The following SLC24A3 variants were observed in gnomAD, a reference collection of about 807,000 sequenced individuals.
The protein encoded by SLC24A3 is sodium/potassium/calcium exchanger 3.
SLC24A3 carries 28 observed loss-of-function variants against 75.8 expected under a neutral mutation model. The observed-to-expected ratio is 0.37, with a 90% confidence interval of 0.27 to 0.51. The LOEUF (loss-of-function observed/expected upper bound fraction) is 0.51. SLC24A3 is among the 20% of genes least tolerant of loss of function. SLC24A3 has a pLI of 0.94. For missense variants in SLC24A3, 663 were observed against 847.8 expected (o/e 0.78, Z 2.71); for synonymous variants, 372 against 334.1 (o/e 1.11, Z -1.24).
chr20:19,515,466 G>A (rs1429104189), intron 2 of SLC24A3, 22 bp from the exon 3 acceptor site: 6 of 1,613,746 alleles, frequency 3.7e-6, no homozygotes, highest in Non-Finnish European at 5.1e-6. Context: ...TGCTGAGACG[G>A]TTTTCTTTCT....
intron 3 of SLC24A3, among the ~76,000 whole-genome samples, chr20:19,550,088 G>T (rs2030665978): frequency 6.6e-6 from 1 of 152,186 alleles, no homozygotes; most frequent in Non-Finnish European, 1.5e-5. Flanking sequence ...TCAGGGAAAA[G>T]TGTGTTTGGG....
chr20:19,303,710 G>C (rs529642709), intron 2 of SLC24A3, among the ~76,000 whole-genome samples: 1 of 152,170 alleles, frequency 6.6e-6, no homozygotes, highest in Non-Finnish European at 1.5e-5. Context: ...ATCATTTTTA[G>C]AGGAGACCGT....
chr20:19,310,775 TTG>T (rs1984438709), intron 2 of SLC24A3, among the ~76,000 whole-genome samples: 1 of 152,190 alleles, frequency 6.6e-6, no homozygotes, highest in South Asian at 2.1e-4. Flanking sequence ...TTTCCAGATG[TTG>T]TGTATGGACA....
intron 15 of SLC24A3, among the ~76,000 whole-genome samples, chr20:19,714,217 A>G (rs2033019187): frequency 6.6e-6 from 1 of 152,130 alleles, no homozygotes; most frequent in Non-Finnish European, 1.5e-5. Context: ...AGCCTGAGCA[A>G]CATAGCAAGA....
At chr20:19,692,390 C>T (rs920022865) in intron 12 of SLC24A3, among the ~76,000 whole-genome samples, 1 of 152,138 alleles carries the variant, frequency 6.6e-6, no homozygotes, top group Non-Finnish European at 1.5e-5. Flanking sequence ...GCTCACCCAC[C>T]GCCATATGGA....
At chr20:19,346,416 A>G (rs1198798289) in intron 2 of SLC24A3, among the ~76,000 whole-genome samples, 1 of 147,398 alleles carries the variant, frequency 6.8e-6, no homozygotes, top group African/African-American at 2.5e-5. Context: ...TGGTATATAT[A>G]TGGTGTGTGT....
In SLC24A3 at chr20:19,644,938, G is replaced by C. The variant is rs528515134; in HGVS notation, c.613-9124G>C. Among the ~76,000 whole-genome samples the C allele has an allele frequency of 3.9e-5, 6 of 152,316 alleles. No homozygotes were observed. In the South Asian group the frequency reaches 1.2e-3, roughly 32 times the overall value. Reference sequence around the variant, plus strand: ...CACTAAGCACTTTTATCTAGCATTTGGTCTTATTATACATGAAGCAACAAC... The same window carrying C: ...CACTAAGCACTTTTATCTAGCATTTCGTCTTATTATACATGAAGCAACAAC... On this transcript the variant is annotated intron_variant, in intron 6 of 16. Coordinates refer to ENST00000328041, the MANE Select transcript of SLC24A3 (RefSeq NM_020689.4).
chr20:19,407,377 T>C (rs1986666487), intron 2 of SLC24A3, among the ~76,000 whole-genome samples: 1 of 152,228 alleles, frequency 6.6e-6, no homozygotes, highest in African/African-American at 2.4e-5. Flanking sequence ...GTCTTCCTCC[T>C]GTGAGTTGAG....
intron 2 of SLC24A3, among the ~76,000 whole-genome samples, chr20:19,292,072 C>T (rs962465775): frequency 3.9e-5 from 6 of 152,306 alleles, no homozygotes; most frequent in South Asian, 4.1e-4. Context: ...CATCACAGGC[C>T]TGGGGAGGAC....
At chr20:19,457,177 C>G (rs1987592222) in intron 2 of SLC24A3, among the ~76,000 whole-genome samples, 1 of 152,166 alleles carries the variant, frequency 6.6e-6, no homozygotes, top group Non-Finnish European at 1.5e-5. Flanking sequence ...AATCCCAGAT[C>G]CATCAACTGT....
At chr20:19,616,399 A>C (rs912160070) in intron 6 of SLC24A3, among the ~76,000 whole-genome samples, 2 of 152,256 alleles carry the variant, frequency 1.3e-5, no homozygotes, top group Non-Finnish European at 2.9e-5. Flanking sequence ...CGTGTGCTTT[A>C]CAGCCCTCTA....
intron 2 of SLC24A3, among the ~76,000 whole-genome samples, chr20:19,405,361 C>T (rs1354964243): frequency 6.6e-6 from 1 of 152,154 alleles, no homozygotes; most frequent in East Asian, 1.9e-4. Flanking sequence ...TCAAGTCTGT[C>T]TTCCCGTTTT....
At chr20:19,253,243 AT>A (rs774888588) in intron 1 of SLC24A3, among the ~76,000 whole-genome samples, 4 of 152,178 alleles carry the variant, frequency 2.6e-5, no homozygotes, top group Non-Finnish European at 5.9e-5. Flanking sequence ...CATCCTGGAA[AT>A]TTCAACCAGG....
intron 15 of SLC24A3, among the ~76,000 whole-genome samples, chr20:19,702,344 T>C (rs139558903): frequency 0.01 from 1,548 of 152,316 alleles, 28 homozygotes; most frequent in African/African-American, 0.035. Context: ...GGATGTTTGG[T>C]CCAAATTCAT....
intron 3 of SLC24A3, among the ~76,000 whole-genome samples, chr20:19,552,931 G>T (rs2030719908): frequency 6.6e-6 from 1 of 152,090 alleles, no homozygotes; most frequent in Non-Finnish European, 1.5e-5. Flanking sequence ...GCAGGAATTT[G>T]TCCTGTGCAG....
intron 6 of SLC24A3, among the ~76,000 whole-genome samples, chr20:19,597,439 G>A (rs149984817): frequency 7.4e-4 from 112 of 152,060 alleles, no homozygotes; most frequent in Non-Finnish European, 1.3e-3. Flanking sequence ...TAGAAAACAC[G>A]TATGGGATAC....
chr20:19,505,172 T>A (rs1227141399), intron 2 of SLC24A3, among the ~76,000 whole-genome samples: 1 of 152,128 alleles, frequency 6.6e-6, no homozygotes, highest in Non-Finnish European at 1.5e-5. Flanking sequence ...CTTCTGCCAA[T>A]ACAGACATGA....
At chr20:19,627,547 GA>G (rs56827730) in intron 6 of SLC24A3, among the ~76,000 whole-genome samples, 1,667 of 151,826 alleles carry the variant, frequency 0.011, 36 homozygotes, top group African/African-American at 0.038. Context: ...AGGATGGGGG[GA>G]AAAAAAGGCA....
intron 15 of SLC24A3, among the ~76,000 whole-genome samples, chr20:19,705,224 A>C (rs1321344): frequency 0.86 from 130,172 of 152,198 alleles, 56,047 homozygotes; most frequent in East Asian, 0.96. Context: ...CAACAGGCAT[A>C]ATGGGGGCTG....
Sources: allele counts gnomAD v4.1 joint callset (sites outside exome capture counted in the v4.1 genomes callset), GRCh38; gene constraint gnomAD v4.1.1; transcripts MANE v1.5; gene names NCBI Gene and HGNC (gene_info 2026-07-23, HGNC 2026-07-21).